Variants in PPARGC1B observed in about 807,000 individuals in gnomAD.
PPARGC1B encodes the protein peroxisome proliferator-activated receptor gamma coactivator 1-beta.
In PPARGC1B, 34 loss-of-function variants were observed where a neutral mutation model predicts 101.6. That is an observed-to-expected ratio of 0.33 (90% CI 0.25 to 0.45). The LOEUF (loss-of-function observed/expected upper bound fraction) is 0.45. Ranked by LOEUF, PPARGC1B falls within the 20% of genes least tolerant of loss-of-function variation. The probability of loss-of-function intolerance (pLI) is 1.00; values close to 1 mark genes in which losing one functional copy is unlikely to be tolerated. For missense variants in PPARGC1B, 1,234 were observed against 1,317.6 expected, an observed-to-expected ratio of 0.94 and a Z score of 0.98; for synonymous variants, 548 against 539.3, an observed-to-expected ratio of 1.02 and a Z score of -0.22.
chr5:149,843,876 T>G (rs916164513), intron 10 of PPARGC1B, among the ~76,000 whole-genome samples: 5 of 152,152 alleles, frequency 3.3e-5, no homozygotes, highest in African/African-American at 7.2e-5. Flanking sequence ...TTGTGCTGAG[T>G]AAAATAAGCC....
At position 149,837,974 on chromosome 5, in the gene PPARGC1B, A is replaced by G. The variant is rs1051684995; in HGVS notation, c.2618+901A>G. 2.6e-5 allele frequency among the ~76,000 whole-genome samples: 4 copies of G among 151,984 alleles called. No individual in the cohort carries two copies. The highest frequency in any genetic ancestry group is 5.9e-5 in the Non-Finnish European group (4 of 67,986). On this transcript the variant is annotated intron_variant, in intron 8 of 11. Transcript: ENST00000309241. The surrounding 1 kb of genome is among the most constrained non-coding windows in gnomAD (Gnocchi z 4.2). ...CTGATCTGTAGGTCTGGGGTGGGGC[A>G]GGGGCAGGGGCAGGGGCAGGGATTG... is the stretch of plus-strand genomic sequence containing the variant.
At chr5:149,735,019 A>C (rs1754648380) in intron 1 of PPARGC1B, among the ~76,000 whole-genome samples, 1 of 152,232 alleles carries the variant, frequency 6.6e-6, no homozygotes, top group Admixed American at 6.5e-5. Flanking sequence ...CACCCCTTGA[A>C]GCCAGGGCCA....
chr5:149,847,604 C>A lies in PPARGC1B; in HGVS notation c.*46C>A. 7.2e-7 allele frequency: 1 copy of A among 1,396,144 alleles called. No individual in the cohort carries two copies. The highest frequency in any genetic ancestry group is 1.0e-6 in the Non-Finnish European group (1 of 984,892). The allele number at this position is 1,396,144 out of a possible 1,614,324, so 86.5% of individuals were successfully genotyped here. A position where few individuals can be genotyped will look rare whatever the true frequency, so the allele number is the denominator to read the frequency against. ...GAATACCTCAATACCTCAGACAAGG[C>A]CCTTCCAATATGTTTACGTTTTCAA... On this transcript the variant is annotated 3_prime_UTR_variant, in exon 12 of 12. Transcript: ENST00000309241.
intron 8 of PPARGC1B, among the ~76,000 whole-genome samples, chr5:149,838,577 C>G (rs1477189782): frequency 6.6e-6 from 1 of 152,238 alleles, no homozygotes; most frequent in Admixed American, 6.5e-5. Flanking sequence ...AATACATCCC[C>G]CAAGCTGGAG....
At chr5:149,787,091 C>T (rs1402149710) in intron 1 of PPARGC1B, among the ~76,000 whole-genome samples, 1 of 152,262 alleles carries the variant, frequency 6.6e-6, no homozygotes, top group Non-Finnish European at 1.5e-5. Flanking sequence ...TCCACACAGG[C>T]TCTTTCCAGC....
rs1369885815 is a variant in PPARGC1B at position 149,850,957 on chromosome 5, A to C, written c.*3399A>C. The stretch of plus-strand genomic sequence containing the variant: ...GAATATGAGTGGATGGAGTGCAGCT[A>C]AGGCCCCCACCCCCTGCTCCGTCAC... On this transcript the variant is annotated 3_prime_UTR_variant, in exon 12 of 12. Transcript: ENST00000309241. 1 of 152,094 alleles carries C rather than the reference A, an allele frequency of 6.6e-6. No homozygotes were observed. Among genetic ancestry groups the C allele is most frequent in the Non-Finnish European group, 1.5e-5 (1 of 68,002 alleles). The allele number at this position is 152,094 out of a possible 1,614,324, so 9.4% of individuals were successfully genotyped here. A position where few individuals can be genotyped will look rare whatever the true frequency, so the allele number is the denominator to read the frequency against.
rs146534428 is a variant in PPARGC1B, at chr5:149,786,692, G to A, written c.79-33741G>A. On this transcript the variant is annotated intron_variant, in intron 1 of 11. Coordinates refer to ENST00000309241, the MANE Select transcript of PPARGC1B (RefSeq NM_133263.4). ...GCTGCTGATGGAGAAACTGAAAGTT[G>A]AGAAGATCAAGGGGAGGAATATCTT... is the stretch of plus-strand genomic sequence containing the variant. Among the ~76,000 whole-genome samples, 296 of 152,360 alleles carry A rather than the reference G, an allele frequency of 1.9e-3. 2 individuals carry two copies. Among genetic ancestry groups the A allele is most frequent in the African/African-American group, 6.7e-3 (279 of 41,578 alleles).
intron 1 of PPARGC1B, among the ~76,000 whole-genome samples, chr5:149,801,346 A>C (rs1048862054): frequency 6.6e-6 from 1 of 152,224 alleles, no homozygotes; most frequent in African/African-American, 2.4e-5. Flanking sequence ...TGCAAGCTCA[A>C]AAAAAAGTTT....
chr5:149,792,902 CT>C (rs1490541940), intron 1 of PPARGC1B, among the ~76,000 whole-genome samples: 1 of 152,044 alleles, frequency 6.6e-6, no homozygotes. Context: ...AATGCAACTT[CT>C]ACCCACTGGA....
chr5:149,836,222 TG>T, intron 7 of PPARGC1B, 40 bp from the exon 8 acceptor site: 1 of 1,473,424 alleles, frequency 6.8e-7, no homozygotes, highest in Non-Finnish European at 9.1e-7. Flanking sequence ...CTTGGAGAAG[TG>T]ATCTGTCTTT....
chr5:149,755,536 G>T (rs975081836), intron 1 of PPARGC1B, among the ~76,000 whole-genome samples: 1 of 151,984 alleles, frequency 6.6e-6, no homozygotes, highest in Non-Finnish European at 1.5e-5. Context: ...TTGGGCCACG[G>T]TTGCAGAAGA....
At position 149,836,783 on chromosome 5, in the gene PPARGC1B, G is replaced by C. The variant is rs1272368694; in HGVS notation, c.2328G>C (p.Glu776Asp). Residue 776 changes from glutamate (E) to aspartate (D), a missense_variant, in exon 8 of 12, where the codon GAG becomes GAC. Physicochemically the swap from Glu to Asp is conservative, Grantham distance 45 (BLOSUM62 2). This residue lies in a region of PPARGC1B where 497 missense variants were observed against 529.5 expected (regional missense o/e 0.94). Transcript: ENST00000309241. ...KHFGLLETAL[E>D]EEDLASCKSP... is the part of the protein sequence containing the mutation. ...TTGGGCTGCTGGAGACCGCCCTGGA[G>C]GAGGAAGACCTGGCCTCCTGCAAGA... 1 of 1,613,668 alleles carries C rather than the reference G, an allele frequency of 6.2e-7. No individual in the cohort carries two copies. The highest frequency in any genetic ancestry group is 1.3e-5 in the African/African-American group (1 of 75,054).
At chr5:149,818,579 T>G (rs1175822866) in intron 1 of PPARGC1B, among the ~76,000 whole-genome samples, 1 of 152,196 alleles carries the variant, frequency 6.6e-6, no homozygotes, top group Admixed American at 6.5e-5. Flanking sequence ...CTGTGTCAAG[T>G]TGAGCTAATA....
chr5:149,841,441 G>A (rs552579526), intron 9 of PPARGC1B, among the ~76,000 whole-genome samples: 1 of 152,170 alleles, frequency 6.6e-6, no homozygotes, highest in Non-Finnish European at 1.5e-5. Context: ...TTGTGGACCC[G>A]CCACCTGGGT....
In PPARGC1B at chr5:149,826,889, A is replaced by G. The variant is rs1039755815; in HGVS notation, c.465+4A>G. 1 of 1,603,618 alleles carries G rather than the reference A, an allele frequency of 6.2e-7. No individual in the cohort carries two copies. The highest frequency in any genetic ancestry group is 1.7e-5 in the Admixed American group (1 of 59,676). On this transcript the variant is annotated splice_donor_region_variant and intron_variant, in intron 3 of 11. Transcript: ENST00000309241. ...TGAGGTGGACGAGCTCTCACTGGTA[A>G]GAACCTACTTACAGCAGAAGTGATG...
In PPARGC1B at chr5:149,815,222, G is replaced by T. The variant is rs80069564; in HGVS notation, c.79-5211G>T. On this transcript the variant is annotated intron_variant, in intron 1 of 11. Coordinates refer to ENST00000309241, the MANE Select transcript of PPARGC1B (RefSeq NM_133263.4). ...GGTGTGCTGAAGCCCTAAACCCCCA[G>T]TGCCTCAGAATGTGACCTCCTTGGA... Among the ~76,000 whole-genome samples the T allele has an allele frequency of 2.0e-5, 3 of 152,072 alleles. No homozygotes were observed. The South Asian group carries it at 6.2e-4, about 32-fold the overall frequency.
intron 1 of PPARGC1B, among the ~76,000 whole-genome samples, chr5:149,756,693 CT>C (rs1384879425): frequency 1.3e-5 from 2 of 152,142 alleles, no homozygotes; most frequent in African/African-American, 4.8e-5. Context: ...TCTGTAGACT[CT>C]GCAGATCACT....
chr5:149,815,641 G>A (rs1758022917), intron 1 of PPARGC1B, among the ~76,000 whole-genome samples: 3 of 152,162 alleles, frequency 2.0e-5, no homozygotes, highest in South Asian at 2.1e-4. Context: ...TCTGCTCACT[G>A]CAATCTTTGC....
chr5:149,818,034 C>T (rs967880235), intron 1 of PPARGC1B, among the ~76,000 whole-genome samples: 1 of 152,148 alleles, frequency 6.6e-6, no homozygotes, highest in East Asian at 1.9e-4. Context: ...AAAGAAGCTC[C>T]CAAGAGGCAG....
Sources: gnomAD v4.1 joint callset for allele counts (sites outside exome capture counted in the v4.1 genomes callset) on GRCh38, gnomAD v4.1.1 for gene constraint, gnomAD v4.1.1 regional missense constraint, Gnocchi (gnomAD v3.1) non-coding constraint, MANE v1.5 for transcripts, NCBI Gene and HGNC (gene_info 2026-07-23, HGNC 2026-07-21) for gene names.